Variants in TRIP13 observed in about 807,000 individuals in gnomAD.
TRIP13 encodes thyroid hormone receptor interactor 13.
Under a neutral mutation model 54.4 loss-of-function variants are expected in TRIP13, and 25 were observed. That is an observed-to-expected ratio of 0.46 (90% CI 0.33 to 0.64). TRIP13 has a LOEUF of 0.64. Among genes scored for constraint, TRIP13 ranks in the 30% least tolerant of loss-of-function variants. The pLI is 0.02. For missense variants in TRIP13, 373 were observed against 534.2 expected (o/e 0.70, Z 2.97); for synonymous variants, 207 against 207.8 (o/e 1.00, Z 0.03).
rs1458792133 is a variant in TRIP13 at position 912,958 on chromosome 5, G to T, written c.1020+962G>T. Among the ~76,000 whole-genome samples, 1 of 152,176 alleles carries T rather than the reference G, an allele frequency of 6.6e-6. No homozygotes were observed. Among genetic ancestry groups the T allele is most frequent in the Non-Finnish European group, 1.5e-5 (1 of 68,026 alleles). On this transcript the variant is annotated intron_variant, in intron 10 of 12. Transcript: ENST00000166345. The surrounding 1 kb of genome is among the most constrained non-coding windows in gnomAD (Gnocchi z 7.2). ...CACCTGCTGGTACCACAGAGTAGGGGTGTTAACAAGGATGGCACACCCTGC... is the reference window on the plus strand; with the variant it reads ...CACCTGCTGGTACCACAGAGTAGGGTTGTTAACAAGGATGGCACACCCTGC...
chr5:913,224 AGT>A lies in TRIP13; in HGVS notation c.1020+1232_1020+1233del, dbSNP rs946096678. ...GTGTTGGAGGTCCTCACGCACCTTC[AGT>A]GTGGGTTCCAGCCCTCGCAGTGTGA... On this transcript the variant is annotated intron_variant, in intron 10 of 12. Coordinates refer to ENST00000166345, the MANE Select transcript of TRIP13 (RefSeq NM_004237.4). This position sits in a 1 kb window ranked among gnomAD's most constrained non-coding sequence, Gnocchi z 4.5. Among the ~76,000 whole-genome samples, 4 of 152,232 alleles carry A rather than the reference AGT, an allele frequency of 2.6e-5. No homozygotes were observed. The highest frequency in any genetic ancestry group is 4.8e-5 in the African/African-American group (2 of 41,454).
intron 1 of TRIP13, 135 bp downstream of exon 1, chr5:893,225 C>A: frequency 1.1e-6 from 1 of 903,904 alleles, no homozygotes; most frequent in Non-Finnish European, 1.6e-6. Flanking sequence ...CGACTGGACC[C>A]GGGCGCACAG....
chr5:915,920 A>AG lies in TRIP13; in HGVS notation c.1151dup (p.Ser384ArgfsTer40). 1 of 1,614,132 alleles carries AG rather than the reference A, an allele frequency of 6.2e-7. No individual in the cohort carries two copies. Among genetic ancestry groups the AG allele is most frequent in the Non-Finnish European group, 8.5e-7 (1 of 1,179,984 alleles). On this transcript the variant is annotated frameshift_variant, in exon 12 of 13. Coordinates refer to ENST00000166345, the MANE Select transcript of TRIP13 (RefSeq NM_004237.4). LOFTEE classifies it high-confidence loss of function. The surrounding 1 kb of genome is among the most constrained non-coding windows in gnomAD (Gnocchi z 4.2). ...TTTACACAGGAAGAGCGAGGGCCTC[A>AG]GCGGCCGGGTCCTGAGAAAACTCCC...
chr5:905,831 A>G (rs1198624217), intron 6 of TRIP13, among the ~76,000 whole-genome samples: 1 of 152,262 alleles, frequency 6.6e-6, no homozygotes, highest in Non-Finnish European at 1.5e-5. Flanking sequence ...ATGTTTTTAC[A>G]TAGGGAAATT....
chr5:916,776 C>A (rs1431555990), intron 12 of TRIP13, among the ~76,000 whole-genome samples: 1 of 149,878 alleles, frequency 6.7e-6, no homozygotes, highest in Non-Finnish European at 1.5e-5. Flanking sequence ...TTCTGACATT[C>A]AGGACATGGC....
chr5:916,914 A>G (rs962109445), intron 12 of TRIP13, 94 bp from the exon 13 acceptor site: 57 of 1,094,346 alleles, frequency 5.2e-5, no homozygotes, highest in Non-Finnish European at 7.1e-5. Context: ...CTTCTGTGCT[A>G]TCTGCACTGT....
downstream of TRIP13, chr5:918,918 A>T (rs937386337): frequency 6.6e-6 from 1 of 152,208 alleles, no homozygotes; most frequent in Non-Finnish European, 1.5e-5. This position sits in a 1 kb window ranked among gnomAD's most constrained non-coding sequence, Gnocchi z 4.3. Flanking sequence ...CCAGTGACTC[A>T]AATGTTAATC....
chr5:911,585 A>C lies in TRIP13; in HGVS notation c.867-258A>C, dbSNP rs554214323. ...GACTCTGTCTCAAAAAAAAAAAAAA[A>C]GGAAAGTGAGATCCTTGCCAAGGTT... On this transcript the variant is annotated intron_variant, in intron 9 of 12. Transcript: ENST00000166345. This position sits in a 1 kb window ranked among gnomAD's most constrained non-coding sequence, Gnocchi z 4.7. Among the ~76,000 whole-genome samples, 1 of 150,940 alleles carries C rather than the reference A, an allele frequency of 6.6e-6. No individual in the cohort carries two copies. Among genetic ancestry groups the C allele is most frequent in the East Asian group, 1.9e-4 (1 of 5,184 alleles).
Position 894,885 on chromosome 5 carries a change from C to T in TRIP13, c.191C>T (p.Pro64Leu), listed in dbSNP as rs956213254. The T allele has an allele frequency of 1.9e-6, 3 of 1,613,724 alleles. No homozygotes were observed. The highest frequency in any genetic ancestry group is 2.2e-5 in the East Asian group (1 of 44,898). ...GDYTWTEFDEPFLTRNVQSVS... is the reference protein window; with the variant it reads ...GDYTWTEFDELFLTRNVQSVS... ...TACACATGGACTGAGTTTGATGAAC[C>T]TTTTTTGACCAGAAATGTGCAGTCT... The change falls in exon 2 of 13, where the codon CCT (proline) becomes CTT (leucine). Residue 64 changes from proline (P) to leucine (L), a missense_variant. This residue lies in a region of TRIP13 where 151 missense variants were observed against 151.9 expected (regional missense o/e 0.99). Transcript: ENST00000166345.
intron 4 of TRIP13, 121 bp downstream of exon 4, chr5:900,670 G>C: frequency 1.0e-6 from 1 of 971,184 alleles, no homozygotes; most frequent in Non-Finnish European, 1.5e-6. Flanking sequence ...CCTGTCTGCT[G>C]GCAGCCCTTG....
Position 907,447 on chromosome 5 carries a change from G to A in TRIP13, c.672+254G>A, listed in dbSNP as rs1284066010. ...CTCAGAAGGGCAGGGCTGGCACTCA[G>A]GGGACTGCAGCCCTGCCATGCATGT... On this transcript the variant is annotated intron_variant, in intron 7 of 12. Transcript: ENST00000166345. The surrounding 1 kb of genome is among the most constrained non-coding windows in gnomAD (Gnocchi z 4.1). Among the ~76,000 whole-genome samples, 1 of 152,028 alleles carries A rather than the reference G, an allele frequency of 6.6e-6. No homozygotes were observed. Among genetic ancestry groups the A allele is most frequent in the East Asian group, 1.9e-4 (1 of 5,188 alleles).
intron 9 of TRIP13, among the ~76,000 whole-genome samples, chr5:909,185 GC>G (rs1173933910): frequency 6.6e-6 from 1 of 152,136 alleles, no homozygotes; most frequent in East Asian, 1.9e-4. Context: ...CGTCTCCACA[GC>G]CCAGCCTCAC....
chr5:915,321 G>A lies in TRIP13; in HGVS notation c.1134-583G>A, dbSNP rs893510779. On this transcript the variant is annotated intron_variant, in intron 11 of 12. Transcript: ENST00000166345. This position sits in a 1 kb window ranked among gnomAD's most constrained non-coding sequence, Gnocchi z 4.2. ...ACTGACCATGTGCCCGCTGCATCGT[G>A]CCTTACGCCTGGTGCTCCCAGGCAG... 6.6e-6 allele frequency among the ~76,000 whole-genome samples: 1 copy of A among 152,230 alleles called. No homozygotes were observed. Among genetic ancestry groups the A allele is most frequent in the African/African-American group, 2.4e-5 (1 of 41,458 alleles).
At position 913,156 on chromosome 5, in the gene TRIP13, C is replaced by G. The variant is rs572688486; in HGVS notation, c.1020+1160C>G. On this transcript the variant is annotated intron_variant, in intron 10 of 12. Coordinates refer to ENST00000166345, the MANE Select transcript of TRIP13 (RefSeq NM_004237.4). This position sits in a 1 kb window ranked among gnomAD's most constrained non-coding sequence, Gnocchi z 4.5. Reference sequence around the variant, plus strand: ...ACTGATTCTACAGCAGTTTTGCTGCCAAGGAGCCCCACGTGATAGCAGATC... The same window carrying G: ...ACTGATTCTACAGCAGTTTTGCTGCGAAGGAGCCCCACGTGATAGCAGATC... Among the ~76,000 whole-genome samples, 131 of 152,238 alleles carry G rather than the reference C, an allele frequency of 8.6e-4. 1 individual carries two copies. The highest frequency in any genetic ancestry group is 3.4e-3 in the Middle Eastern group (1 of 294).
chr5:912,496 G>T lies in TRIP13; in HGVS notation c.1020+500G>T, dbSNP rs746965382. Among the ~76,000 whole-genome samples the T allele has an allele frequency of 6.6e-6, 1 of 151,980 alleles. No individual in the cohort carries two copies. The highest frequency in any genetic ancestry group is 1.5e-5 in the Non-Finnish European group (1 of 68,010). On this transcript the variant is annotated intron_variant, in intron 10 of 12. Transcript: ENST00000166345. The surrounding 1 kb of genome is among the most constrained non-coding windows in gnomAD (Gnocchi z 7.2). The stretch of plus-strand genomic sequence containing the variant: ...GCCGTGGGCAGAGCGACGCGTGCGG[G>T]TTGTGTGTGTGAGTCAGGAAGGCCG...
At chr5:909,444 C>A (rs146141524) in intron 9 of TRIP13, among the ~76,000 whole-genome samples, 1 of 152,102 alleles carries the variant, frequency 6.6e-6, no homozygotes, top group Non-Finnish European at 1.5e-5. Flanking sequence ...TGCAGAGGAA[C>A]GTTTTGTCCA....
downstream of TRIP13, chr5:918,926 A>G (rs1024474485): frequency 1.3e-5 from 2 of 152,178 alleles, no homozygotes; most frequent in African/African-American, 4.8e-5. This position sits in a 1 kb window ranked among gnomAD's most constrained non-coding sequence, Gnocchi z 4.3. Flanking sequence ...TCAAATGTTA[A>G]TCTCCTTTGA....
intron 12 of TRIP13, 131 bp from the exon 13 acceptor site, chr5:916,877 A>G (rs1458329085): frequency 3.2e-5 from 21 of 666,028 alleles, no homozygotes; most frequent in Non-Finnish European, 4.9e-5. Context: ...GTGCGCACTC[A>G]CTGCTCACCT....
rs374621450 is a variant in TRIP13 at position 914,905 on chromosome 5, G to C, written c.1133+328G>C. Among the ~76,000 whole-genome samples the C allele has an allele frequency of 2.2e-4, 34 of 152,316 alleles. No homozygotes were observed. The South Asian group carries it at 5.8e-3, about 26-fold the overall frequency. ...AAGGAAATGGCTTTGGGGGTCCAGG[G>C]AGGGTGGAAGGGAAGGTAGGAAAAT... On this transcript the variant is annotated intron_variant, in intron 11 of 12. Coordinates refer to ENST00000166345, the MANE Select transcript of TRIP13 (RefSeq NM_004237.4).
Sources: gnomAD v4.1 joint callset for allele counts (sites outside exome capture counted in the v4.1 genomes callset) on GRCh38, gnomAD v4.1.1 for gene constraint, gnomAD v4.1.1 regional missense constraint, Gnocchi (gnomAD v3.1) non-coding constraint, MANE v1.5 for transcripts, NCBI Gene and HGNC (gene_info 2026-07-23, HGNC 2026-07-21) for gene names.